PDK1: variants seen among roughly 807,000 people sequenced by gnomAD.
PDK1 encodes [Pyruvate dehydrogenase (acetyl-transferring)] kinase isozyme 1, mitochondrial.
Under a neutral mutation model 54.2 loss-of-function variants are expected in PDK1, and 39 were observed. The ratio of observed to expected loss-of-function variants is 0.72; its 90% CI spans 0.56 to 0.94. The LOEUF is 0.94. Among genes scored for constraint, PDK1 ranks in the 40% least tolerant of loss-of-function variants. PDK1 has a pLI of 0.00. For synonymous variants in PDK1, 221 were observed against 207.1 expected, an observed-to-expected ratio of 1.07 and a Z score of -0.58; for missense variants, 552 against 566.0, an observed-to-expected ratio of 0.98 and a Z score of 0.25.
Position 172,564,557 on chromosome 2 carries a change from A to C in PDK1, c.465A>C (p.Thr155=). ...IRNRHNDVIP[T]MAQGVIEYKE... ...ACCGACACAATGATGTCATTCCCAC[A>C]ATGGCCCAGGGTGTGATTGAATACA... Residue 155 remains threonine, a synonymous_variant, in exon 4 of 11, where the codon ACA becomes ACC. Coordinates refer to ENST00000282077, the MANE Select transcript of PDK1 (RefSeq NM_002610.5). The C allele has an allele frequency of 2.5e-6, 4 of 1,614,054 alleles. No homozygotes were observed. The South Asian group carries it at 4.4e-5, about 18-fold the overall frequency.
the PDK1 span, among the ~76,000 whole-genome samples, chr2:172,722,687 A>G: frequency 1.3e-5 from 2 of 152,114 alleles, no homozygotes; most frequent in African/African-American, 2.4e-5. Flanking sequence ...GGGTGATGGC[A>G]TGGGTTCAAA....
chr2:172,588,826 G>C (rs1010318233), intron 9 of PDK1, among the ~76,000 whole-genome samples: 1 of 152,186 alleles, frequency 6.6e-6, no homozygotes, highest in Non-Finnish European at 1.5e-5. Flanking sequence ...TGTAAGTCCG[G>C]AGAGGAACAT....
chr2:172,690,830 A>T, the PDK1 span, among the ~76,000 whole-genome samples: 7 of 138,348 alleles, frequency 5.1e-5, 1 homozygote, highest in African/African-American at 1.8e-4. Context: ...GGTGGGGAAC[A>T]TCACACACTG....
At chr2:172,588,298 C>T (rs116593372) in intron 9 of PDK1, among the ~76,000 whole-genome samples, 69 of 152,236 alleles carry the variant, frequency 4.5e-4, no homozygotes, top group Non-Finnish European at 7.5e-4. Context: ...TTATGGAGAG[C>T]GGCATAGTGA....
chr2:172,557,680 A>G (rs903791545), intron 1 of PDK1, among the ~76,000 whole-genome samples: 3 of 148,942 alleles, frequency 2.0e-5, no homozygotes, highest in African/African-American at 7.5e-5. Flanking sequence ...GGGTCTCACT[A>G]TGTTGCCCAG....
the PDK1 span, among the ~76,000 whole-genome samples, chr2:172,710,161 A>T: frequency 1.3e-5 from 2 of 152,158 alleles, no homozygotes; most frequent in Non-Finnish European, 2.9e-5. Flanking sequence ...TGCCAGAGGA[A>T]GCGATGCTGG....
At chr2:172,632,538 G>A in the PDK1 span, among the ~76,000 whole-genome samples, 2 of 152,178 alleles carry the variant, frequency 1.3e-5, no homozygotes, top group South Asian at 2.1e-4. Context: ...GTTCTAATAT[G>A]TACTTTGTTT....
downstream of PDK1, among the ~76,000 whole-genome samples, chr2:172,609,745 A>T (rs1250301547): frequency 6.6e-6 from 1 of 152,196 alleles, no homozygotes; most frequent in Admixed American, 6.5e-5. Flanking sequence ...TCAATTATCC[A>T]TCTGGCAAAT....
At chr2:172,649,000 G>A in the PDK1 span, among the ~76,000 whole-genome samples, 76 of 152,312 alleles carry the variant, frequency 5.0e-4, no homozygotes, top group African/African-American at 1.4e-3. Flanking sequence ...CTCCCAGCAC[G>A]GAGTTTGAGA....
rs1691228868 is a variant in PDK1, at chr2:172,604,687, A to C, written c.*8718A>C. The C allele has an allele frequency of 6.6e-6, 1 of 152,174 alleles. No homozygotes were observed. Among genetic ancestry groups the C allele is most frequent in the East Asian group, 1.9e-4 (1 of 5,180 alleles). 9.4% of individuals were successfully genotyped at this position (152,174 alleles called of 1,614,324 possible). On this transcript the variant is annotated 3_prime_UTR_variant, in exon 11 of 11. Coordinates refer to ENST00000282077, the MANE Select transcript of PDK1 (RefSeq NM_002610.5). The stretch of plus-strand genomic sequence containing the variant: ...GTAAATGGCAGTATGTCCAATGGCA[A>C]CACCATGAACTTGACTTTGCCCTCT...
chr2:172,557,197 G>A (rs904110501), intron 1 of PDK1, among the ~76,000 whole-genome samples: 3 of 152,134 alleles, frequency 2.0e-5, no homozygotes, highest in African/African-American at 7.2e-5. Context: ...TTAGGTTTTT[G>A]TTTTTACTTT....
chr2:172,677,628 A>C, the PDK1 span: 2 of 152,216 alleles, frequency 1.3e-5, no homozygotes, highest in African/African-American at 2.4e-5. Context: ...CACTTAGGAA[A>C]ATTATTGCCT....
the PDK1 span, among the ~76,000 whole-genome samples, chr2:172,651,133 C>T: frequency 6.6e-6 from 1 of 152,122 alleles, no homozygotes; most frequent in African/African-American, 2.4e-5. Context: ...TCTCTCAGAC[C>T]ACAGTGCAAT....
the PDK1 span, among the ~76,000 whole-genome samples, chr2:172,639,630 A>G: frequency 6.6e-6 from 1 of 152,194 alleles, no homozygotes; most frequent in Non-Finnish European, 1.5e-5. Context: ...TAAATATGCT[A>G]TATGCTATGG....
chr2:172,636,784 G>A, the PDK1 span, among the ~76,000 whole-genome samples: 1 of 151,322 alleles, frequency 6.6e-6, no homozygotes, highest in East Asian at 1.9e-4. Context: ...ACATTCATGA[G>A]GGATCTACCC....
the PDK1 span, among the ~76,000 whole-genome samples, chr2:172,636,536 A>G: frequency 1.3e-5 from 2 of 152,124 alleles, no homozygotes; most frequent in South Asian, 2.1e-4. Context: ...CCTGGTCAAC[A>G]TGGTGAAACC....
the PDK1 span, among the ~76,000 whole-genome samples, chr2:172,711,827 T>C: frequency 3.0e-5 from 4 of 134,694 alleles, no homozygotes; most frequent in Admixed American, 8.2e-5. Context: ...AATTGTACCA[T>C]TGCACTCCAG....
At chr2:172,586,781 T>A (rs187510910) in intron 9 of PDK1, among the ~76,000 whole-genome samples, 2 of 152,324 alleles carry the variant, frequency 1.3e-5, no homozygotes, top group East Asian at 3.9e-4. Context: ...ATTAGAATGA[T>A]CTCATATCCT....
intron 5 of PDK1, among the ~76,000 whole-genome samples, chr2:172,566,568 A>G (rs1217417318): frequency 6.6e-6 from 1 of 151,898 alleles, no homozygotes; most frequent in African/African-American, 2.4e-5. Flanking sequence ...AAAAAAAAAA[A>G]GGAAAGGCTT....
Sources: gnomAD v4.1 joint callset for allele counts (sites outside exome capture counted in the v4.1 genomes callset) on GRCh38, gnomAD v4.1.1 for gene constraint, MANE v1.5 for transcripts, NCBI Gene and HGNC (gene_info 2026-07-23, HGNC 2026-07-21) for gene names.